Variants in STAC observed in about 807,000 individuals in gnomAD.
STAC encodes the protein SH3 and cysteine rich domain, also known as SH3 and cysteine-rich domain-containing protein.
In STAC, 43 loss-of-function variants were observed where a neutral mutation model predicts 48.8. The ratio of observed to expected loss-of-function variants is 0.88; its 90% CI spans 0.69 to 1.14. STAC has a LOEUF of 1.14. STAC is among the 50% of genes most tolerant of loss of function. The pLI is 0.00. For synonymous variants in STAC, 193 were observed against 179.5 expected (o/e 1.07, Z -0.60); for missense variants, 497 against 504.0 (o/e 0.99, Z 0.13).
chr3:36,417,872 C>A (rs889507535), intron 1 of STAC, among the ~76,000 whole-genome samples: 6 of 152,116 alleles, frequency 3.9e-5, no homozygotes, highest in African/African-American at 1.4e-4. Flanking sequence ...TCCATATTTT[C>A]TTTGATGTTT....
At chr3:36,496,858 TC>T (rs1362092872) in intron 6 of STAC, among the ~76,000 whole-genome samples, 10 of 152,198 alleles carry the variant, frequency 6.6e-5, no homozygotes, top group African/African-American at 2.4e-4. Context: ...TAATTGCATT[TC>T]AGAATGACTC....
Position 36,472,234 on chromosome 3 carries a change from T to C in STAC, c.389-10758T>C, listed in dbSNP as rs542242151. ...GCTCTACATTGGCCCCTTTCAGCCA[T>C]GGCTGGAGTGACTGGGACACAGGGC... On this transcript the variant is annotated intron_variant, in intron 2 of 10. Transcript: ENST00000273183. Among the ~76,000 whole-genome samples, 336 of 152,312 alleles carry C rather than the reference T, an allele frequency of 2.2e-3. 1 individual carries two copies. Among genetic ancestry groups the C allele is most frequent in the African/African-American group, 7.3e-3 (305 of 41,578 alleles).
intron 2 of STAC, among the ~76,000 whole-genome samples, chr3:36,450,650 C>T (rs528299980): frequency 1.3e-5 from 2 of 152,282 alleles, no homozygotes; most frequent in African/African-American, 4.8e-5. Context: ...CTCAGCCTCC[C>T]GAGCAGCTGG....
intron 2 of STAC, among the ~76,000 whole-genome samples, chr3:36,456,860 C>G (rs1696869558): frequency 6.6e-6 from 1 of 152,170 alleles, no homozygotes; most frequent in East Asian, 1.9e-4. Context: ...CTGATTCAAG[C>G]TTTAGTACAT....
At chr3:36,545,944 T>C (rs1699434181) in intron 10 of STAC, among the ~76,000 whole-genome samples, 1 of 152,226 alleles carries the variant, frequency 6.6e-6, no homozygotes, top group African/African-American at 2.4e-5. Flanking sequence ...CTCATTTTAT[T>C]GATCCTCATT....
chr3:36,414,482 G>T (rs1281920244), intron 1 of STAC, among the ~76,000 whole-genome samples: 1 of 152,152 alleles, frequency 6.6e-6, no homozygotes, highest in Non-Finnish European at 1.5e-5. Flanking sequence ...ACTGAAGCTT[G>T]TGCATGCATC....
chr3:36,514,102 T>C (rs1698607926), intron 8 of STAC, among the ~76,000 whole-genome samples: 1 of 150,938 alleles, frequency 6.6e-6, no homozygotes. Context: ...AACTGTCCAA[T>C]GTCCTCCCAT....
intron 8 of STAC, among the ~76,000 whole-genome samples, chr3:36,511,559 A>G (rs1052423514): frequency 1.3e-5 from 2 of 152,236 alleles, no homozygotes; most frequent in African/African-American, 4.8e-5. Flanking sequence ...TCTAAAAAAA[A>G]TGCGGAGATA....
At position 36,521,533 on chromosome 3, in the gene STAC, G is replaced by A. The variant is rs1204734677; in HGVS notation, c.921-7163G>A. Reference sequence around the variant, plus strand: ...CCTGATACACCTTTGTGGTCACTACGTGGAGTGGACAAGGAAGGGGAAGAG... The same window carrying A: ...CCTGATACACCTTTGTGGTCACTACATGGAGTGGACAAGGAAGGGGAAGAG... On this transcript the variant is annotated intron_variant, in intron 8 of 10. Transcript: ENST00000273183. Among the ~76,000 whole-genome samples the A allele has an allele frequency of 4.6e-5, 7 of 152,098 alleles. 1 individual carries two copies. In the East Asian group the frequency reaches 5.8e-4, roughly 13 times the overall value.
At chr3:36,381,212 C>T (rs62245720) in intron 1 of STAC, among the ~76,000 whole-genome samples, 12,441 of 152,178 alleles carry the variant, frequency 0.082, 547 homozygotes, top group African/African-American at 0.11. Flanking sequence ...ATCACCCCTA[C>T]CTTCAGATAC....
At chr3:36,419,060 A>AG (rs1209001541) in intron 1 of STAC, among the ~76,000 whole-genome samples, 13 of 152,030 alleles carry the variant, frequency 8.6e-5, no homozygotes, top group Non-Finnish European at 1.9e-4. Flanking sequence ...AAAAAAAAAA[A>AG]AAAAGAAATT....
chr3:36,427,610 C>A (rs928496194), intron 1 of STAC, among the ~76,000 whole-genome samples: 2 of 152,176 alleles, frequency 1.3e-5, no homozygotes, highest in African/African-American at 4.8e-5. Flanking sequence ...ACCAGATTCA[C>A]TTCCAGATTC....
At chr3:36,472,885 T>C (rs1323089244) in intron 2 of STAC, among the ~76,000 whole-genome samples, 1 of 152,236 alleles carries the variant, frequency 6.6e-6, no homozygotes, top group African/African-American at 2.4e-5. Context: ...CCTCTGCCTA[T>C]TATGCAGTTC....
At chr3:36,457,926 G>A (rs994280201) in intron 2 of STAC, among the ~76,000 whole-genome samples, 21 of 152,162 alleles carry the variant, frequency 1.4e-4, no homozygotes, top group Non-Finnish European at 1.8e-4. Flanking sequence ...GGTGAGGGGC[G>A]GGGGAAGTAG....
intron 8 of STAC, among the ~76,000 whole-genome samples, chr3:36,518,096 C>G (rs1698717660): frequency 6.6e-6 from 1 of 152,206 alleles, no homozygotes; most frequent in African/African-American, 2.4e-5. Flanking sequence ...ACTTATTATT[C>G]ACACCAAGGC....
At chr3:36,490,213 A>G (rs925058554) in intron 5 of STAC, among the ~76,000 whole-genome samples, 1 of 152,162 alleles carries the variant, frequency 6.6e-6, no homozygotes. Context: ...TGAAACAGAG[A>G]TCCAAGAATG....
At chr3:36,508,495 G>T (rs1271587719) in intron 8 of STAC, among the ~76,000 whole-genome samples, 16 of 152,106 alleles carry the variant, frequency 1.1e-4, no homozygotes, top group Admixed American at 1.0e-3. Context: ...CTGTCTCATT[G>T]ATCTGTCTAA....
At chr3:36,497,626 A>G (rs1335414860) in intron 6 of STAC, among the ~76,000 whole-genome samples, 1 of 152,152 alleles carries the variant, frequency 6.6e-6, no homozygotes, top group Non-Finnish European at 1.5e-5. Flanking sequence ...CCTTAGGATC[A>G]CTGGACAAAC....
At chr3:36,491,955 A>T (rs1214440402) in intron 5 of STAC, among the ~76,000 whole-genome samples, 1 of 133,978 alleles carries the variant, frequency 7.5e-6, no homozygotes, top group East Asian at 2.4e-4. Context: ...TGGAGCTGAG[A>T]TTGCACCACT....
Sources: allele counts gnomAD v4.1 joint callset (sites outside exome capture counted in the v4.1 genomes callset), GRCh38; gene constraint gnomAD v4.1.1; transcripts MANE v1.5; gene names NCBI Gene and HGNC (gene_info 2026-07-23, HGNC 2026-07-21).